GLYATL2: variants seen among roughly 807,000 people sequenced by gnomAD.
GLYATL2 encodes the protein glycine-N-acyltransferase like 2, also known as glycine N-acyltransferase-like protein 2.
In GLYATL2, 25 loss-of-function variants were observed where a neutral mutation model predicts 21.4. The ratio of observed to expected loss-of-function variants is 1.17; its 90% CI spans 0.85 to 1.63. The LOEUF (loss-of-function observed/expected upper bound fraction) is 1.63. Ranked by LOEUF, GLYATL2 falls within the 40% of genes most tolerant of loss-of-function variation. The probability of loss-of-function intolerance (pLI) is 0.00; values close to 1 mark genes in which losing one functional copy is unlikely to be tolerated. For synonymous variants in GLYATL2, 114 were observed against 118.2 expected (o/e 0.96, Z 0.23); for missense variants, 361 against 343.3 (o/e 1.05, Z -0.41).
chr11:58,838,542 C>A (rs970741174), intron 2 of GLYATL2, among the ~76,000 whole-genome samples, 174 bp from the exon 3 acceptor site: 1 of 152,110 alleles, frequency 6.6e-6, no homozygotes, highest in Non-Finnish European at 1.5e-5. Context: ...AGTTATGCTG[C>A]TAGACGGCCC....
chr11:58,867,671 C>A (rs947934318), intron 1 of GLYATL2, among the ~76,000 whole-genome samples: 2 of 148,984 alleles, frequency 1.3e-5, no homozygotes, highest in Non-Finnish European at 3.0e-5. Flanking sequence ...CATGTTCATG[C>A]CAGAATCTAA....
chr11:58,905,467 T>G (rs1854841905), upstream of GLYATL2: 1 of 456,100 alleles, frequency 2.2e-6, no homozygotes. Context: ...CGAAGCACCT[T>G]GGCGGGCTAT....
chr11:58,863,286 A>G (rs1041257045), intron 1 of GLYATL2, among the ~76,000 whole-genome samples: 14 of 152,166 alleles, frequency 9.2e-5, no homozygotes, highest in Admixed American at 9.2e-4. Context: ...AGGTTCTGGA[A>G]TGGGTCTAAT....
upstream of GLYATL2, among the ~76,000 whole-genome samples, chr11:58,848,165 G>C (rs1226533088): frequency 6.6e-6 from 1 of 152,122 alleles, no homozygotes; most frequent in African/African-American, 2.4e-5. Context: ...CTCTGAAGTA[G>C]AGACAGCTTA....
chr11:58,863,734 T>C (rs1283635014), intron 1 of GLYATL2, among the ~76,000 whole-genome samples: 2 of 151,998 alleles, frequency 1.3e-5, no homozygotes, highest in East Asian at 3.9e-4. Flanking sequence ...TCTTCAGGGC[T>C]GGCATGGAGA....
intron 1 of GLYATL2, among the ~76,000 whole-genome samples, chr11:58,894,140 G>A (rs1854593631): frequency 1.3e-5 from 2 of 152,164 alleles, no homozygotes; most frequent in African/African-American, 4.8e-5. Context: ...ACAGGGCAAG[G>A]TGTTGCCTGC....
At chr11:58,905,646 TGC>T (rs1220239840), upstream of GLYATL2, 3 of 455,948 alleles carry the variant, frequency 6.6e-6, no homozygotes, top group East Asian at 2.1e-4. Context: ...GGGCAGTGAC[TGC>T]TTAGTTTATC....
the GLYATL2 span, among the ~76,000 whole-genome samples, chr11:58,909,316 C>G: frequency 6.6e-6 from 1 of 152,128 alleles, no homozygotes; most frequent in African/African-American, 2.4e-5. Context: ...AAGATCTGTA[C>G]AGCATGGTGC....
chr11:58,883,683 T>C (rs1482514082), intron 1 of GLYATL2, among the ~76,000 whole-genome samples: 1 of 151,904 alleles, frequency 6.6e-6, no homozygotes, highest in Non-Finnish European at 1.5e-5. Context: ...TTCCAATCAA[T>C]AAAAAAAGAG....
chr11:58,887,383 G>A (rs58233629), intron 1 of GLYATL2, among the ~76,000 whole-genome samples: 1 of 151,820 alleles, frequency 6.6e-6, no homozygotes, highest in Admixed American at 6.6e-5. Flanking sequence ...TTTCAGGGTG[G>A]GATGCAGGAG....
chr11:58,891,543 C>T (rs1854543854), intron 1 of GLYATL2, among the ~76,000 whole-genome samples: 1 of 152,274 alleles, frequency 6.6e-6, no homozygotes, highest in South Asian at 2.1e-4. Context: ...ATGGACAGAT[C>T]CCATCACACT....
upstream of GLYATL2, among the ~76,000 whole-genome samples, chr11:58,847,647 T>A (rs1253930231): frequency 6.6e-6 from 1 of 152,222 alleles, no homozygotes; most frequent in East Asian, 1.9e-4. Context: ...ATCTTGTGGT[T>A]TGAACCTCAG....
At chr11:58,901,090 G>A (rs1018973625) in intron 1 of GLYATL2, among the ~76,000 whole-genome samples, 13 of 152,322 alleles carry the variant, frequency 8.5e-5, no homozygotes, top group African/African-American at 2.6e-4. Flanking sequence ...TGTGTACTCA[G>A]GACGGTGCTA....
At chr11:58,896,730 GTTTGT>G (rs10670699) in intron 1 of GLYATL2, among the ~76,000 whole-genome samples, 1 of 151,826 alleles carries the variant, frequency 6.6e-6, no homozygotes, top group Admixed American at 6.5e-5. Flanking sequence ...ACTTAAACGT[GTTTGT>G]TTTGTTTTGT....
chr11:58,864,464 TGG>T (rs1280845954), intron 1 of GLYATL2, among the ~76,000 whole-genome samples: 1 of 149,102 alleles, frequency 6.7e-6, no homozygotes, highest in African/African-American at 2.4e-5. Flanking sequence ...GCCTGGAGTG[TGG>T]GGCCATAGGG....
intron 1 of GLYATL2, among the ~76,000 whole-genome samples, chr11:58,875,007 T>C (rs1393780605): frequency 2.0e-5 from 3 of 152,284 alleles, no homozygotes; most frequent in South Asian, 2.1e-4. Context: ...GGATAGTTAG[T>C]TCTTCTTGTT....
chr11:58,854,035 T>C (rs1853786553), intron 1 of GLYATL2, among the ~76,000 whole-genome samples: 1 of 152,174 alleles, frequency 6.6e-6, no homozygotes, highest in Admixed American at 6.5e-5. Flanking sequence ...AGATTTCACA[T>C]ATAAGGTAGA....
At chr11:58,904,635 T>A (rs1854815495), upstream of GLYATL2, among the ~76,000 whole-genome samples, 1 of 152,264 alleles carries the variant, frequency 6.6e-6, no homozygotes, top group Non-Finnish European at 1.5e-5. Flanking sequence ...AACAGCGATT[T>A]GAGAAAGCTG....
rs371073973 is a variant in GLYATL2, at chr11:58,886,195, C to T, written n.60+17961G>A. On this transcript the variant is annotated intron_variant and non_coding_transcript_variant, in intron 1 of 4. Transcript: ENST00000533636. ...TCACACCACTGTACTGAAGCCTAGG[C>T]AACAGAGTGGGATCCTGTCTTAAAA... Among the ~76,000 whole-genome samples the T allele has an allele frequency of 1.6e-3, 239 of 152,248 alleles. 2 individuals are homozygous for T. Among genetic ancestry groups the T allele is most frequent in the African/African-American group, 5.5e-3 (230 of 41,554 alleles).
Sources: allele counts gnomAD v4.1 joint callset (sites outside exome capture counted in the v4.1 genomes callset), GRCh38; gene constraint gnomAD v4.1.1; transcripts MANE v1.5; gene names NCBI Gene and HGNC (gene_info 2026-07-23, HGNC 2026-07-21).